CSMD1: variants seen among roughly 807,000 people sequenced by gnomAD.
CSMD1 encodes the protein CUB and Sushi multiple domains 1.
In CSMD1, 213 loss-of-function variants were observed where a neutral mutation model predicts 417.5. The ratio of observed to expected loss-of-function variants is 0.51; its 90% confidence interval spans 0.46 to 0.57. The LOEUF is 0.57. CSMD1 is among the 20% of genes least tolerant of loss of function. The pLI is 0.00. For synonymous variants in CSMD1, 2,862 were observed against 1,736.8 expected, an observed-to-expected ratio of 1.65 and a Z score of -16.11; for missense variants, 6,923 against 4,529.7, an observed-to-expected ratio of 1.53 and a Z score of -15.17.
rs1187991571 is a variant in CSMD1, at chr8:3,790,533, T to C, written c.819-36491A>G. On this transcript the variant is annotated intron_variant, in intron 5 of 69. Transcript: ENST00000635120. ...GACGGTGATAACCGTGTGATGGTGA[T>C]AATAACAACAGAAACTTAGACAACT... 4.6e-5 allele frequency among the ~76,000 whole-genome samples: 7 copies of C among 152,292 alleles called. No homozygotes were observed. The East Asian group carries it at 1.2e-3, about 25-fold the overall frequency.
At chr8:3,350,654 G>A (rs868570227) in intron 21 of CSMD1, among the ~76,000 whole-genome samples, 1 of 152,042 alleles carries the variant, frequency 6.6e-6, no homozygotes, top group Non-Finnish European at 1.5e-5. Flanking sequence ...ATTCTAAATA[G>A]GTCACCGATT....
At chr8:4,042,814 T>TCAAAAAA (rs1563355345) in intron 3 of CSMD1, among the ~76,000 whole-genome samples, 1 of 21,018 alleles carries the variant, frequency 4.8e-5, no homozygotes, top group Non-Finnish European at 9.1e-5. Context: ...GTACAACATA[T>TCAAAAAA]TAAAAAAAAA....
At chr8:4,179,152 G>A (rs1221672261) in intron 3 of CSMD1, among the ~76,000 whole-genome samples, 2 of 152,258 alleles carry the variant, frequency 1.3e-5, no homozygotes, top group East Asian at 1.9e-4. Flanking sequence ...AAAGCTGGAG[G>A]CATCACACTA....
rs549081887 is a variant in CSMD1, at chr8:3,356,932, G to A, written c.3304+2220C>T. Among the ~76,000 whole-genome samples, 10 of 152,174 alleles carry A rather than the reference G, an allele frequency of 6.6e-5. No homozygotes were observed. The South Asian group carries it at 1.9e-3, about 28-fold the overall frequency. On this transcript the variant is annotated intron_variant, in intron 21 of 69. Coordinates refer to ENST00000635120, the MANE Select transcript of CSMD1 (RefSeq NM_033225.6). ...CAGGCTCTGTTACACTGGGCAAATC[G>A]ATGGGGTTTTCACTTTGGAGAGAGC...
intron 5 of CSMD1, among the ~76,000 whole-genome samples, chr8:3,935,250 G>C (rs1402445013): frequency 6.6e-6 from 1 of 152,126 alleles, no homozygotes; most frequent in Non-Finnish European, 1.5e-5. Context: ...TAGAAGAACA[G>C]AATCATTATA....
rs149499286 is a variant in CSMD1 at position 4,451,269 on chromosome 8, G to A, written c.303-31204C>T. 8.1e-4 allele frequency among the ~76,000 whole-genome samples: 124 copies of A among 152,164 alleles called. No homozygotes were observed. In the South Asian group the frequency reaches 8.5e-3, roughly 10 times the overall value. On this transcript the variant is annotated intron_variant, in intron 2 of 69. Coordinates refer to ENST00000635120, the MANE Select transcript of CSMD1 (RefSeq NM_033225.6). ...TGGCTTGAGCCCAGGAGGTCCAGGCGGCAGTGATCCAACCAATCATGACTC... is the reference window on the plus strand; with the variant it reads ...TGGCTTGAGCCCAGGAGGTCCAGGCAGCAGTGATCCAACCAATCATGACTC...
chr8:4,822,897 G>T (rs963105496), intron 1 of CSMD1, among the ~76,000 whole-genome samples: 1 of 152,070 alleles, frequency 6.6e-6, no homozygotes, highest in African/African-American at 2.4e-5. Flanking sequence ...TGTGAGAAGT[G>T]CACTGTGTAC....
At chr8:4,958,018 C>T (rs543861325) in intron 1 of CSMD1, among the ~76,000 whole-genome samples, 21 of 152,228 alleles carry the variant, frequency 1.4e-4, no homozygotes, top group African/African-American at 3.9e-4. Flanking sequence ...GTTCAAGTCA[C>T]GACGTTGAGG....
At chr8:3,391,297 G>C (rs756542062) in intron 17 of CSMD1, among the ~76,000 whole-genome samples, 4 of 152,160 alleles carry the variant, frequency 2.6e-5, no homozygotes, top group African/African-American at 4.8e-5. Flanking sequence ...TACAAGTGAT[G>C]AATCTTTCTT....
intron 1 of CSMD1, among the ~76,000 whole-genome samples, chr8:4,891,882 C>A (rs1263632442): frequency 1.3e-5 from 2 of 152,072 alleles, no homozygotes. Context: ...TTGACATTCA[C>A]TGTATTAGAT....
At chr8:4,945,618 T>C (rs952986865) in intron 1 of CSMD1, among the ~76,000 whole-genome samples, 2 of 152,144 alleles carry the variant, frequency 1.3e-5, no homozygotes. Flanking sequence ...CTAAGTGATG[T>C]ATTCAAGGTG....
At chr8:4,176,104 T>C (rs1159529280) in intron 3 of CSMD1, among the ~76,000 whole-genome samples, 2 of 152,064 alleles carry the variant, frequency 1.3e-5, no homozygotes, top group Non-Finnish European at 2.9e-5. Flanking sequence ...TGCTACCTTC[T>C]TGTAGACAGA....
intron 5 of CSMD1, among the ~76,000 whole-genome samples, chr8:3,878,676 T>A (rs1469010641): frequency 6.6e-6 from 1 of 152,216 alleles, no homozygotes; most frequent in Non-Finnish European, 1.5e-5. Flanking sequence ...CATATTCAAC[T>A]AGTCTGAGTT....
chr8:4,138,400 G>A (rs138768327), intron 3 of CSMD1, among the ~76,000 whole-genome samples: 8 of 152,010 alleles, frequency 5.3e-5, no homozygotes, highest in African/African-American at 1.7e-4. Context: ...GCCTCCTTAC[G>A]TCCAGTTCTG....
At chr8:4,205,557 C>G (rs757063186) in intron 3 of CSMD1, among the ~76,000 whole-genome samples, 5 of 152,172 alleles carry the variant, frequency 3.3e-5, no homozygotes, top group Non-Finnish European at 5.9e-5. Context: ...GTTGACGGAA[C>G]TCACTGAAGT....
At chr8:4,541,385 C>T (rs765486278) in intron 2 of CSMD1, among the ~76,000 whole-genome samples, 9 of 152,274 alleles carry the variant, frequency 5.9e-5, no homozygotes, top group Non-Finnish European at 1.2e-4. Flanking sequence ...TATAGTTTTG[C>T]TTATTTTGTA....
chr8:4,839,078 G>A (rs1308258157), intron 1 of CSMD1, among the ~76,000 whole-genome samples: 1 of 152,050 alleles, frequency 6.6e-6, no homozygotes, highest in East Asian at 1.9e-4. Flanking sequence ...TTTCTGACCT[G>A]GTATTTTACT....
At chr8:4,361,924 C>A (rs1357628214) in intron 3 of CSMD1, among the ~76,000 whole-genome samples, 1 of 151,970 alleles carries the variant, frequency 6.6e-6, no homozygotes, top group East Asian at 1.9e-4. Context: ...CACTGCACGC[C>A]AAGGCCCTCC....
chr8:4,063,804 A>G (rs55811315), intron 3 of CSMD1, among the ~76,000 whole-genome samples: 10,103 of 152,308 alleles, frequency 0.066, 404 homozygotes, highest in Non-Finnish European at 0.089. Context: ...ACCTGCATCT[A>G]TCTGAGAGCA....
Sources: gnomAD v4.1 joint callset for allele counts (sites outside exome capture counted in the v4.1 genomes callset) on GRCh38, gnomAD v4.1.1 for gene constraint, MANE v1.5 for transcripts, NCBI Gene and HGNC (gene_info 2026-07-23, HGNC 2026-07-21) for gene names.